SMYD2: variants seen among roughly 807,000 people sequenced by gnomAD.
SMYD2 encodes the protein SET and MYND domain containing 2.
SMYD2 carries 53 observed loss-of-function variants against 59.1 expected under a neutral mutation model. That is an observed-to-expected ratio of 0.90 (90% CI 0.72 to 1.13). The LOEUF is 1.13. Ranked by LOEUF, SMYD2 falls within the 50% of genes most tolerant of loss-of-function variation. The pLI, the probability that SMYD2 is intolerant of heterozygous loss-of-function variation, is 0.00. For missense variants in SMYD2, 494 were observed against 544.7 expected, an observed-to-expected ratio of 0.91 and a Z score of 0.93; for synonymous variants, 208 against 198.8, an observed-to-expected ratio of 1.05 and a Z score of -0.39.
At chr1:214,311,982 T>A (rs1489416919) in intron 2 of SMYD2, among the ~76,000 whole-genome samples, 1 of 152,164 alleles carries the variant, frequency 6.6e-6, no homozygotes, top group Non-Finnish European at 1.5e-5. Flanking sequence ...TGTCTTTTCC[T>A]CTTTGCTCTG....
chr1:214,315,314 G>A (rs1256721674), intron 3 of SMYD2, among the ~76,000 whole-genome samples: 2 of 152,140 alleles, frequency 1.3e-5, no homozygotes, highest in Non-Finnish European at 2.9e-5. Context: ...TCTTGCCTGT[G>A]CATAGGCAGG....
At chr1:214,297,227 A>C (rs1252386238) in intron 1 of SMYD2, among the ~76,000 whole-genome samples, 1 of 152,084 alleles carries the variant, frequency 6.6e-6, no homozygotes, top group Non-Finnish European at 1.5e-5. Context: ...CCTGCCCCAG[A>C]CAACCAAGGT....
chr1:214,315,380 G>A (rs1161781452), intron 3 of SMYD2, among the ~76,000 whole-genome samples: 1 of 152,036 alleles, frequency 6.6e-6, no homozygotes, highest in Non-Finnish European at 1.5e-5. Context: ...GAGAAAGAGT[G>A]GAAAAGTAGA....
At chr1:214,330,834 C>A in intron 8 of SMYD2, 116 bp from the exon 9 acceptor site, 2 of 1,463,728 alleles carry the variant, frequency 1.4e-6, no homozygotes, top group Non-Finnish European at 1.9e-6. Flanking sequence ...TCTTTTGTAA[C>A]CTTGGAATGG....
rs74835455 is a variant in SMYD2 at position 214,307,637 on chromosome 1, C to T, written c.237+2387C>T. Among the ~76,000 whole-genome samples, 157 of 152,226 alleles carry T rather than the reference C, an allele frequency of 1.0e-3. 1 individual carries two copies. Among genetic ancestry groups the T allele is most frequent in the Middle Eastern group, 6.8e-3 (2 of 292 alleles). ...GCTCCGAGTCTGAGTCTTCTGAGCA[C>T]GCTGCTAAACTAACTTGTTAGGCCT... On this transcript the variant is annotated intron_variant, in intron 2 of 11. Coordinates refer to ENST00000366957, the MANE Select transcript of SMYD2 (RefSeq NM_020197.3).
chr1:214,290,966 G>A (rs955920), intron 1 of SMYD2, among the ~76,000 whole-genome samples: 46,406 of 151,996 alleles, frequency 0.31, 7,468 homozygotes, highest in African/African-American at 0.35. Flanking sequence ...TGTCAATTCC[G>A]TGAATCCATG....
At chr1:214,315,545 A>G (rs1163512583) in intron 3 of SMYD2, among the ~76,000 whole-genome samples, 1 of 152,232 alleles carries the variant, frequency 6.6e-6, no homozygotes, top group Non-Finnish European at 1.5e-5. Context: ...AGGACTATGC[A>G]AACTTACGCT....
intron 1 of SMYD2, among the ~76,000 whole-genome samples, chr1:214,285,239 G>C (rs1295987829): frequency 6.6e-6 from 1 of 152,128 alleles, no homozygotes; most frequent in Non-Finnish European, 1.5e-5. Flanking sequence ...ATTCATCTTA[G>C]CTTTCCTCTT....
At chr1:214,307,714 G>C (rs1341400005) in intron 2 of SMYD2, among the ~76,000 whole-genome samples, 1 of 152,128 alleles carries the variant, frequency 6.6e-6, no homozygotes, top group African/African-American at 2.4e-5. Flanking sequence ...TGGGATTTGA[G>C]ATGCCCTTTA....
Position 214,281,173 on chromosome 1 carries a change from A to C in SMYD2, c.-82A>C. 7.0e-6 allele frequency: 7 copies of C among 1,003,344 alleles called. No homozygotes were observed. The highest frequency in any genetic ancestry group is 7.6e-6 in the Non-Finnish European group (6 of 793,992). 62.2% of individuals were successfully genotyped at this position (1,003,344 alleles called of 1,614,324 possible). On this transcript the variant is annotated 5_prime_UTR_variant, in exon 1 of 12. Transcript: ENST00000366957. ...GGGCGGCTCCCACCCCGCCCCCCGC[A>C]GCTCTAGGTGACGCGTCTCCAATAA...
chr1:214,281,424 C>T lies in SMYD2; in HGVS notation c.170C>T (p.Thr57Ile), dbSNP rs770824554. The T allele has an allele frequency of 8.4e-6, 12 of 1,429,854 alleles. No homozygotes were observed. Among genetic ancestry groups the T allele is most frequent in the African/African-American group, 4.4e-5 (3 of 67,546 alleles). The allele number at this position is 1,429,854 out of a possible 1,614,324, so 88.6% of individuals were successfully genotyped here. The part of the protein sequence containing the change: ...ERGNHCEYCF[T>I]RKEGLSKCGR... ...GGCAACCACTGCGAGTACTGCTTCA[C>T]CAGGTAGGGCGGCGGCGGCGGCGGC... The change falls in exon 1 of 12, where the codon ACC (threonine) becomes ATC (isoleucine). Residue 57 changes from threonine (T) to isoleucine (I), a missense_variant. Transcript: ENST00000366957.
intron 1 of SMYD2, among the ~76,000 whole-genome samples, chr1:214,290,869 A>G (rs914093298): frequency 6.6e-6 from 1 of 152,096 alleles, no homozygotes; most frequent in Non-Finnish European, 1.5e-5. Context: ...ACTGGCTCAT[A>G]TTTTTGATGA....
chr1:214,324,847 GC>G, intron 6 of SMYD2, 139 bp downstream of exon 6: 1 of 727,664 alleles, frequency 1.4e-6, no homozygotes, highest in Non-Finnish European at 2.2e-6. Flanking sequence ...TTTTTAATCT[GC>G]CAGATTTCAA....
chr1:214,331,821 G>T (rs143026763), intron 9 of SMYD2, 197 bp from the exon 10 acceptor site: 18 of 561,658 alleles, frequency 3.2e-5, no homozygotes, highest in African/African-American at 3.2e-4. Flanking sequence ...TGAGTTGAGC[G>T]GTTCCGACCT....
chr1:214,321,832 T>G (rs1467622543), intron 5 of SMYD2, among the ~76,000 whole-genome samples: 1 of 152,220 alleles, frequency 6.6e-6, no homozygotes, highest in Non-Finnish European at 1.5e-5. Flanking sequence ...CAAGTTCACT[T>G]TTCTTCTCTA....
At chr1:214,306,454 C>G (rs535339021) in intron 2 of SMYD2, among the ~76,000 whole-genome samples, 1 of 152,326 alleles carries the variant, frequency 6.6e-6, no homozygotes, top group East Asian at 1.9e-4. Context: ...CAGACTCTGC[C>G]TTAGCTCTGA....
chr1:214,302,861 G>A (rs1410267994), intron 1 of SMYD2, among the ~76,000 whole-genome samples: 3 of 152,030 alleles, frequency 2.0e-5, no homozygotes, highest in Non-Finnish European at 4.4e-5. Flanking sequence ...TGCTTTTTTT[G>A]TATGTTGTGG....
At chr1:214,326,600 C>T (rs1418372561) in intron 6 of SMYD2, among the ~76,000 whole-genome samples, 1 of 152,160 alleles carries the variant, frequency 6.6e-6, no homozygotes, top group African/African-American at 2.4e-5. Context: ...TCTCAGGCAC[C>T]AGGCTAACCA....
At chr1:214,334,411 G>A in intron 11 of SMYD2, 103 bp downstream of exon 11, 1 of 1,089,638 alleles carries the variant, frequency 9.2e-7, no homozygotes, top group Admixed American at 1.8e-5. Context: ...AGTGGAGGGT[G>A]AGCAGCTCTC....
Sources: gnomAD v4.1 joint callset for allele counts (sites outside exome capture counted in the v4.1 genomes callset) on GRCh38, gnomAD v4.1.1 for gene constraint, MANE v1.5 for transcripts, NCBI Gene and HGNC (gene_info 2026-07-23, HGNC 2026-07-21) for gene names.